Variants in PPP6R3 observed in about 807,000 individuals in gnomAD.
PPP6R3 encodes the protein serine/threonine-protein phosphatase 6 regulatory subunit 3.
In PPP6R3, 38 loss-of-function variants were observed where a neutral mutation model predicts 110.7. The ratio of observed to expected loss-of-function variants is 0.34; its 90% CI spans 0.26 to 0.45. The LOEUF is 0.45. Among genes scored for constraint, PPP6R3 ranks in the 20% least tolerant of loss-of-function variants. The probability of loss-of-function intolerance (pLI) is 1.00; values close to 1 mark genes in which losing one functional copy is unlikely to be tolerated. For synonymous variants in PPP6R3, 369 were observed against 373.5 expected (o/e 0.99, Z 0.14); for missense variants, 870 against 1,062.4 (o/e 0.82, Z 2.52).
At chr11:68,518,770 A>G (rs1393215141) in intron 1 of PPP6R3, among the ~76,000 whole-genome samples, 2 of 152,206 alleles carry the variant, frequency 1.3e-5, no homozygotes, top group African/African-American at 2.4e-5. Flanking sequence ...ACAATGTAGT[A>G]TGAGTTTTAT....
intron 22 of PPP6R3, chr11:68,609,373 C>T: frequency 1.5e-6 from 1 of 680,514 alleles, no homozygotes; most frequent in Middle Eastern, 2.7e-4. Context: ...GTGACTGAGG[C>T]TTCCAGCCAG....
In PPP6R3 at chr11:68,519,577, C is replaced by G. The variant is rs755347342; in HGVS notation, c.-81C>G. 12 of 398,334 alleles carry G rather than the reference C, an allele frequency of 3.0e-5. 1 individual carries two copies. The highest frequency in any genetic ancestry group is 1.3e-4 in the Admixed American group (3 of 22,694). 24.7% of individuals were successfully genotyped at this position (398,334 alleles called of 1,614,324 possible). ...GCAGTAAATTGGAGGAAAACTGTTA[C>G]CAGGATAACCTGTAATGGGCAAGGA... On this transcript the variant is annotated 5_prime_UTR_variant, in exon 2 of 24. Coordinates refer to ENST00000393800, the MANE Select transcript of PPP6R3 (RefSeq NM_001164161.2).
intron 19 of PPP6R3, among the ~76,000 whole-genome samples, chr11:68,597,331 C>A (rs1431382292): frequency 6.6e-6 from 1 of 152,116 alleles, no homozygotes; most frequent in African/African-American, 2.4e-5. Context: ...AATCCAAATG[C>A]CCAGAACGTG....
At chr11:68,565,554 A>G (rs2099459944) in intron 9 of PPP6R3, among the ~76,000 whole-genome samples, 1 of 151,988 alleles carries the variant, frequency 6.6e-6, no homozygotes. Context: ...AGAACATCAC[A>G]AGTGGAAGAC....
At chr11:68,472,954 A>G (rs572631831) in intron 1 of PPP6R3, among the ~76,000 whole-genome samples, 15 of 152,330 alleles carry the variant, frequency 9.8e-5, no homozygotes, top group East Asian at 7.7e-4. Flanking sequence ...ATAGTGTTCA[A>G]TTGTATGGAT....
At chr11:68,516,720 C>A (rs957237065) in intron 1 of PPP6R3, among the ~76,000 whole-genome samples, 6 of 152,138 alleles carry the variant, frequency 3.9e-5, no homozygotes, top group African/African-American at 1.4e-4. Flanking sequence ...CATAAGTGGA[C>A]TTGCTGGGTC....
intron 1 of PPP6R3, among the ~76,000 whole-genome samples, chr11:68,510,480 GTGTGCTACCATGCTTGGC>G (rs2099103391): frequency 6.6e-6 from 1 of 152,028 alleles, no homozygotes; most frequent in African/African-American, 2.4e-5. Context: ...GACCACAGGC[GTGTGCTACCATGCTTGGC>G]TGATTTTTAA....
chr11:68,481,555 T>C (rs2098912590), intron 1 of PPP6R3, among the ~76,000 whole-genome samples: 1 of 152,230 alleles, frequency 6.6e-6, no homozygotes, highest in African/African-American at 2.4e-5. Flanking sequence ...GGACATGGGT[T>C]AGAGAGAGCG....
chr11:68,461,494 T>TGGGGGGGGGGGG (rs61434771), intron 1 of PPP6R3, among the ~76,000 whole-genome samples: 11 of 83,320 alleles, frequency 1.3e-4, no homozygotes, highest in Non-Finnish European at 1.7e-4. Flanking sequence ...GAGCCGGGGG[T>TGGGGGGGGGGGG]GGGGGGGGTG....
chr11:68,606,679 C>A (rs1360952828), intron 22 of PPP6R3, among the ~76,000 whole-genome samples: 2 of 152,060 alleles, frequency 1.3e-5, no homozygotes, highest in Non-Finnish European at 2.9e-5. Context: ...AAAACTAACA[C>A]CTAATGAGGA....
At position 68,614,432 on chromosome 11, in the gene PPP6R3, T is replaced by C. The variant is rs990410397; in HGVS notation, c.*1315T>C. 2 of 1,332,362 alleles carry C rather than the reference T, an allele frequency of 1.5e-6. No individual in the cohort carries two copies. Among genetic ancestry groups the C allele is most frequent in the African/African-American group, 3.1e-5 (2 of 65,340 alleles). 82.5% of individuals were successfully genotyped at this position (1,332,362 alleles called of 1,614,324 possible). On this transcript the variant is annotated 3_prime_UTR_variant, in exon 24 of 24. Coordinates refer to ENST00000393800, the MANE Select transcript of PPP6R3 (RefSeq NM_001164161.2). ...GCAAATCAGTTTTTCATTTCTGTAA[T>C]AGAAAATTATTCACGTATTTTTACA...
chr11:68,557,322 T>C (rs2099403234), intron 7 of PPP6R3, among the ~76,000 whole-genome samples: 1 of 152,050 alleles, frequency 6.6e-6, no homozygotes, highest in African/African-American at 2.4e-5. Flanking sequence ...GATACTAGTT[T>C]TGTTTCCCCA....
At chr11:68,609,360 CAT>C (rs1319644007) in intron 22 of PPP6R3, 3 of 668,248 alleles carry the variant, frequency 4.5e-6, no homozygotes, top group Non-Finnish European at 8.2e-6. Context: ...ACGGTGACCT[CAT>C]GTGACTGAGG....
chr11:68,497,213 AT>A (rs56963664), intron 1 of PPP6R3, among the ~76,000 whole-genome samples: 3 of 141,274 alleles, frequency 2.1e-5, no homozygotes, highest in Non-Finnish European at 1.5e-5. Flanking sequence ...CGCCCGGCTA[AT>A]TTTTTTTTTT....
chr11:68,546,065 G>T (rs143891034), intron 4 of PPP6R3, among the ~76,000 whole-genome samples: 1 of 152,320 alleles, frequency 6.6e-6, no homozygotes, highest in Non-Finnish European at 1.5e-5. Flanking sequence ...CCTGTCCTAT[G>T]CCAAGGCAAA....
Position 68,551,550 on chromosome 11 carries a change from C to T in PPP6R3, c.618+364C>T, listed in dbSNP as rs551990374. The stretch of plus-strand genomic sequence containing the variant: ...TGTCGCCTAGGCTGGAATGCAGTGG[C>T]GCGATCTTAGCTCACTGCAACCTCC... On this transcript the variant is annotated intron_variant, in intron 6 of 23. Transcript: ENST00000393800. Among the ~76,000 whole-genome samples, 52 of 152,166 alleles carry T rather than the reference C, an allele frequency of 3.4e-4. 1 individual carries two copies. Among genetic ancestry groups the T allele is most frequent in the African/African-American group, 1.2e-3 (51 of 41,502 alleles).
intron 1 of PPP6R3, among the ~76,000 whole-genome samples, chr11:68,485,526 A>G (rs2098941448): frequency 6.6e-6 from 1 of 151,994 alleles, no homozygotes; most frequent in African/African-American, 2.4e-5. Context: ...TTTTTGATAT[A>G]TGTTGTTTAT....
At chr11:68,572,613 G>A (rs1190730361) in intron 12 of PPP6R3, among the ~76,000 whole-genome samples, 3 of 152,162 alleles carry the variant, frequency 2.0e-5, no homozygotes, top group African/African-American at 7.2e-5. Flanking sequence ...GCTTTGGGAG[G>A]CTGAGATGGG....
chr11:68,508,040 T>TAAAAAAA (rs61408383), intron 1 of PPP6R3, among the ~76,000 whole-genome samples: 1 of 142,594 alleles, frequency 7.0e-6, no homozygotes, highest in Non-Finnish European at 1.5e-5. Context: ...ACCTCATGTG[T>TAAAAAAA]AAAAAAAAAA....
Sources: gnomAD v4.1 joint callset for allele counts (sites outside exome capture counted in the v4.1 genomes callset) on GRCh38, gnomAD v4.1.1 for gene constraint, MANE v1.5 for transcripts, NCBI Gene and HGNC (gene_info 2026-07-23, HGNC 2026-07-21) for gene names.